Variants in CMTM4 observed in about 807,000 individuals in gnomAD.
The protein encoded by CMTM4 is CKLF-like MARVEL transmembrane domain-containing protein 4.
A neutral mutation model predicts 19.0 loss-of-function variants in CMTM4; 8 were observed. The ratio of observed to expected loss-of-function variants is 0.42; its 90% confidence interval spans 0.25 to 0.76. The LOEUF is 0.76. Ranked by LOEUF, CMTM4 falls within the 30% of genes least tolerant of loss-of-function variation. CMTM4 has a pLI of 0.27. For synonymous variants in CMTM4, 106 were observed against 121.1 expected (o/e 0.88, Z 0.82); for missense variants, 228 against 290.2 (o/e 0.79, Z 1.56).
intron 1 of CMTM4, among the ~76,000 whole-genome samples, chr16:66,655,525 GTGTGTGTGTGTGTGTGTGTGTTTATTTA>G (rs1016333315): frequency 6.7e-6 from 1 of 150,190 alleles, no homozygotes. Context: ...AAACGTGTGT[GTGTGTGTGTGTGTGTGTGTGTTTATTTA>G]TGTGTGTGTG....
intron 1 of CMTM4, among the ~76,000 whole-genome samples, chr16:66,641,560 A>C (rs2016098113): frequency 6.6e-6 from 1 of 152,190 alleles, no homozygotes; most frequent in Non-Finnish European, 1.5e-5. Context: ...CATTTTACAG[A>C]TAAGGAAATT....
At chr16:66,628,513 T>G (rs948972525) in intron 2 of CMTM4, among the ~76,000 whole-genome samples, 2 of 152,204 alleles carry the variant, frequency 1.3e-5, no homozygotes, top group Non-Finnish European at 2.9e-5. Context: ...AACATTTTGT[T>G]AACAAGGCAC....
chr16:66,670,926 A>G (rs868045354), intron 1 of CMTM4, among the ~76,000 whole-genome samples: 4 of 152,240 alleles, frequency 2.6e-5, no homozygotes, highest in Non-Finnish European at 4.4e-5. Flanking sequence ...AGTCCAAAAC[A>G]ATGTAGACCT....
chr16:66,667,191 G>A (rs946623739), intron 1 of CMTM4, among the ~76,000 whole-genome samples: 4 of 152,176 alleles, frequency 2.6e-5, no homozygotes, highest in African/African-American at 9.6e-5. Context: ...TGGGTGTGGT[G>A]ACACATGCCT....
intron 1 of CMTM4, among the ~76,000 whole-genome samples, chr16:66,649,114 G>A (rs2016260875): frequency 6.6e-6 from 1 of 152,210 alleles, no homozygotes; most frequent in South Asian, 2.1e-4. Flanking sequence ...TAGGCAGGAG[G>A]ATCGCCTGTG....
chr16:66,680,773 CAAA>C (rs35127974), intron 1 of CMTM4, among the ~76,000 whole-genome samples: 2,737 of 32,070 alleles, frequency 0.085, 49 homozygotes, highest in East Asian at 0.23. Flanking sequence ...GACTCCGTCT[CAAA>C]AAAAAAAAAA....
chr16:66,685,431 C>G lies in CMTM4; in HGVS notation c.186+10909G>C, dbSNP rs139929919. Reference sequence around the variant, plus strand: ...GAAGAAAAAAAAAAATCAACCCCAGCTTCCAGACATACCTCAGTCCTTAAT... The same window carrying G: ...GAAGAAAAAAAAAAATCAACCCCAGGTTCCAGACATACCTCAGTCCTTAAT... On this transcript the variant is annotated intron_variant, in intron 1 of 3. Coordinates refer to ENST00000394106, the MANE Select transcript of CMTM4 (RefSeq NM_181521.3). Among the ~76,000 whole-genome samples the G allele has an allele frequency of 1.0e-3, 152 of 152,192 alleles. 2 individuals carry two copies. In the Middle Eastern group the frequency reaches 0.01, roughly 10 times the overall value.
At chr16:66,637,636 T>A (rs780925776) in intron 1 of CMTM4, among the ~76,000 whole-genome samples, 34 of 152,234 alleles carry the variant, frequency 2.2e-4, no homozygotes, top group Non-Finnish European at 2.4e-4. Flanking sequence ...CAAATAGATA[T>A]TGATAGAAAT....
At chr16:66,608,180 G>A in the CMTM4 span, 1 of 957,162 alleles carries the variant, frequency 1.0e-6, no homozygotes, top group Non-Finnish European at 1.6e-6. This position sits in a 1 kb window ranked among gnomAD's most constrained non-coding sequence, Gnocchi z 5.1. Flanking sequence ...CTTCCCAGCT[G>A]CGGGACTGTG....
chr16:66,695,445 G>A (rs564820122), intron 1 of CMTM4, among the ~76,000 whole-genome samples: 5 of 152,212 alleles, frequency 3.3e-5, no homozygotes, highest in Non-Finnish European at 7.3e-5. Flanking sequence ...CTGTGACAGA[G>A]AATGTTGGGG....
At position 66,696,335 on chromosome 16, in the gene CMTM4, C is replaced by G; in HGVS notation, c.186+5G>C. On this transcript the variant is annotated splice_donor_5th_base_variant and intron_variant, in intron 1 of 3. Transcript: ENST00000394106. This position sits in a 1 kb window ranked among gnomAD's most constrained non-coding sequence, Gnocchi z 4.3. ...CGGGCACCTGGGGCCCCGCCCGGCA[C>G]CTACCACTTGGGCGACCTTGAGGCG... 2 of 1,395,658 alleles carry G rather than the reference C, an allele frequency of 1.4e-6. No individual in the cohort carries two copies. Among genetic ancestry groups the G allele is most frequent in the Non-Finnish European group, 1.9e-6 (2 of 1,075,442 alleles). 86.5% of individuals were successfully genotyped at this position (1,395,658 alleles called of 1,614,324 possible).
At chr16:66,634,337 G>C (rs942346673) in intron 2 of CMTM4, among the ~76,000 whole-genome samples, 1 of 151,912 alleles carries the variant, frequency 6.6e-6, no homozygotes, top group African/African-American at 2.4e-5. Flanking sequence ...CTACTAGGGA[G>C]GGTGAGGCAG....
At position 66,696,258 on chromosome 16, in the gene CMTM4, G is replaced by A; in HGVS notation, c.186+82C>T. On this transcript the variant is annotated intron_variant, in intron 1 of 3. Coordinates refer to ENST00000394106, the MANE Select transcript of CMTM4 (RefSeq NM_181521.3). The surrounding 1 kb of genome is among the most constrained non-coding windows in gnomAD (Gnocchi z 4.3). ...CTCCGGCCTGGGCAAGCGGGTACGC[G>A]GCGGAGGCCCCGCAGCGGGGCGGGG... 9.6e-7 allele frequency: 1 copy of A among 1,036,548 alleles called. No homozygotes were observed. Among genetic ancestry groups the A allele is most frequent in the Non-Finnish European group, 1.2e-6 (1 of 804,828 alleles). 64.2% of individuals were successfully genotyped at this position (1,036,548 alleles called of 1,614,324 possible).
chr16:66,694,675 T>C (rs1282623699), intron 1 of CMTM4, among the ~76,000 whole-genome samples: 2 of 135,652 alleles, frequency 1.5e-5, no homozygotes, highest in Non-Finnish European at 3.0e-5. Context: ...ATTGTGTCAC[T>C]GCACTCCAGC....
chr16:66,631,451 C>A lies in CMTM4; in HGVS notation c.363+4954G>T, dbSNP rs544160543. Among the ~76,000 whole-genome samples, 3 of 152,256 alleles carry A rather than the reference C, an allele frequency of 2.0e-5. No individual in the cohort carries two copies. The East Asian group carries it at 5.8e-4, about 29-fold the overall frequency. On this transcript the variant is annotated intron_variant, in intron 2 of 3. Transcript: ENST00000394106. ...GGTGTACCCAACAGCTCATTGAGAA[C>A]GGGCCATGATGACAATGGCAGTGTT...
chr16:66,680,773 CAAAAAA>C (rs35127974), intron 1 of CMTM4, among the ~76,000 whole-genome samples: 1 of 32,254 alleles, frequency 3.1e-5, no homozygotes, highest in East Asian at 7.7e-4. Context: ...GACTCCGTCT[CAAAAAA>C]AAAAAAAAAA....
chr16:66,649,043 C>T (rs773515219), intron 1 of CMTM4, among the ~76,000 whole-genome samples: 1 of 152,178 alleles, frequency 6.6e-6, no homozygotes, highest in Non-Finnish European at 1.5e-5. Context: ...ATGTTCTAAA[C>T]AGTGACTGAG....
rs1033034747 is a variant in CMTM4, at chr16:66,670,684, C to T, written c.186+25656G>A. Among the ~76,000 whole-genome samples, 24 of 152,096 alleles carry T rather than the reference C, an allele frequency of 1.6e-4. No homozygotes were observed. The East Asian group carries it at 4.2e-3, about 27-fold the overall frequency. On this transcript the variant is annotated intron_variant, in intron 1 of 3. Coordinates refer to ENST00000394106, the MANE Select transcript of CMTM4 (RefSeq NM_181521.3). ...GCGTGGTGGCACGAACCTGTAGTCCCAGCTATTCAGGAGGCTGAGGCAGGA... is the reference window on the plus strand; with the variant it reads ...GCGTGGTGGCACGAACCTGTAGTCCTAGCTATTCAGGAGGCTGAGGCAGGA...
intron 1 of CMTM4, among the ~76,000 whole-genome samples, chr16:66,653,410 G>C (rs1254864353): frequency 3.3e-5 from 5 of 152,186 alleles, no homozygotes; most frequent in African/African-American, 9.7e-5. Context: ...CAGAGAGAGA[G>C]GTCTTGGAAC....
Sources: allele counts gnomAD v4.1 joint callset (sites outside exome capture counted in the v4.1 genomes callset), GRCh38; gene constraint gnomAD v4.1.1; non-coding constraint Gnocchi (gnomAD v3.1); transcripts MANE v1.5; gene names NCBI Gene and HGNC (gene_info 2026-07-23, HGNC 2026-07-21).